Variants in SYNPO2 observed in about 807,000 individuals in gnomAD.
SYNPO2 encodes the protein synaptopodin-2.
Under a neutral mutation model 85.0 loss-of-function variants are expected in SYNPO2, and 56 were observed. That is an observed-to-expected ratio of 0.66 (90% confidence interval 0.53 to 0.82). SYNPO2 has a LOEUF of 0.82. Ranked by LOEUF, SYNPO2 falls within the 40% of genes least tolerant of loss-of-function variation. The pLI, the probability that SYNPO2 is intolerant of heterozygous loss-of-function variation, is 0.00. For missense variants in SYNPO2, 1,575 were observed against 1,534.2 expected (o/e 1.03, Z -0.44); for synonymous variants, 602 against 591.1 (o/e 1.02, Z -0.27).
chr4:119,012,664 T>C (rs1176101093), intron 1 of SYNPO2, among the ~76,000 whole-genome samples: 1 of 152,196 alleles, frequency 6.6e-6, no homozygotes, highest in Non-Finnish European at 1.5e-5. Flanking sequence ...TTTCCATTCC[T>C]CTATTAGTTT....
chr4:119,036,423 C>T, intron 4 of SYNPO2: 1 of 985,426 alleles, frequency 1.0e-6, no homozygotes, highest in Non-Finnish European at 1.2e-6. Flanking sequence ...ACAAAGATGC[C>T]TGTGACACTT....
At chr4:118,942,039 A>G (rs946512438) in intron 1 of SYNPO2, among the ~76,000 whole-genome samples, 2 of 152,146 alleles carry the variant, frequency 1.3e-5, no homozygotes, top group Admixed American at 6.5e-5. Flanking sequence ...AGATAAAGGA[A>G]GTGGTTAGGG....
chr4:119,017,395 G>A (rs569623871), intron 1 of SYNPO2, among the ~76,000 whole-genome samples: 1 of 152,170 alleles, frequency 6.6e-6, no homozygotes, highest in South Asian at 2.1e-4. Context: ...CTAAGGCTTT[G>A]GTTTAAGATC....
intron 2 of SYNPO2, among the ~76,000 whole-genome samples, chr4:119,025,471 T>C (rs1449153796): frequency 6.6e-6 from 1 of 152,216 alleles, no homozygotes; most frequent in Admixed American, 6.5e-5. Flanking sequence ...TAACTGTTAG[T>C]TTGTTTTCAT....
intron 1 of SYNPO2, among the ~76,000 whole-genome samples, chr4:118,877,964 C>T (rs1442328421): frequency 6.6e-6 from 1 of 152,108 alleles, no homozygotes; most frequent in African/African-American, 2.4e-5. Flanking sequence ...AATCTAAATG[C>T]CCGTCAACAT....
chr4:119,054,253 T>C (rs1237369709), intron 4 of SYNPO2, among the ~76,000 whole-genome samples: 2 of 152,214 alleles, frequency 1.3e-5, no homozygotes, highest in East Asian at 3.9e-4. Context: ...TACAGTGCTC[T>C]CTTAGTTCTG....
At chr4:119,037,493 G>A in intron 4 of SYNPO2, 1 of 1,017,552 alleles carries the variant, frequency 9.8e-7, no homozygotes, top group Admixed American at 5.7e-5. Flanking sequence ...CACGGTAGAA[G>A]TCAGAGAATC....
At position 119,031,623 on chromosome 4, in the gene SYNPO2, A is replaced by G. The variant is rs778172110; in HGVS notation, c.2848A>G (p.Met950Val). Residue 950 changes from methionine to valine, a missense_variant, in exon 4 of 5, where the codon ATG becomes GTG. Coordinates refer to ENST00000307142, the MANE Select transcript of SYNPO2 (RefSeq NM_133477.3). ...SQPSAAQPSK[M>V]GKKKGKKPLN... is the part of the protein sequence containing the mutation. Reference sequence around the variant, plus strand: ...GCCATCAGCTGCACAGCCCTCCAAAATGGGCAAGAAAAAGGGAAAGAAACC... The same window carrying G: ...GCCATCAGCTGCACAGCCCTCCAAAGTGGGCAAGAAAAAGGGAAAGAAACC... 3 of 1,614,062 alleles carry G rather than the reference A, an allele frequency of 1.9e-6. No homozygotes were observed. Among genetic ancestry groups the G allele is most frequent in the Non-Finnish European group, 2.5e-6 (3 of 1,180,002 alleles).
At chr4:118,883,343 A>T (rs1354245688) in intron 1 of SYNPO2, among the ~76,000 whole-genome samples, 1 of 152,200 alleles carries the variant, frequency 6.6e-6, no homozygotes, top group African/African-American at 2.4e-5. Flanking sequence ...GAAAGTAATG[A>T]TGTTTTTTGA....
intron 1 of SYNPO2, among the ~76,000 whole-genome samples, chr4:118,989,018 G>A (rs760848683): frequency 5.3e-5 from 8 of 152,128 alleles, no homozygotes; most frequent in African/African-American, 1.9e-4. Context: ...AGAACAAGGT[G>A]GTCACACATA....
intron 1 of SYNPO2, among the ~76,000 whole-genome samples, chr4:119,012,511 A>G (rs1189416631): frequency 6.6e-6 from 1 of 151,398 alleles, no homozygotes; most frequent in East Asian, 1.9e-4. Context: ...TAAGCCCTGC[A>G]TGGATTAGGT....
intron 1 of SYNPO2, among the ~76,000 whole-genome samples, chr4:118,978,891 A>G (rs1735896220): frequency 6.6e-6 from 1 of 151,984 alleles, no homozygotes; most frequent in African/African-American, 2.4e-5. Flanking sequence ...CCCTTGTCCA[A>G]CTTATTGTTT....
At chr4:118,881,301 C>CA (rs765003546) in intron 1 of SYNPO2, among the ~76,000 whole-genome samples, 47,969 of 113,740 alleles carry the variant, frequency 0.42, 9,086 homozygotes, top group Admixed American at 0.51. Flanking sequence ...AACTCCGTCT[C>CA]AAAAAAAAAA....
chr4:118,896,317 G>A (rs905070201), intron 1 of SYNPO2, among the ~76,000 whole-genome samples: 1 of 152,126 alleles, frequency 6.6e-6, no homozygotes, highest in Non-Finnish European at 1.5e-5. Context: ...ATGTGCAATG[G>A]GAGAAAGACT....
chr4:118,940,434 A>T (rs148575918), intron 1 of SYNPO2, among the ~76,000 whole-genome samples: 2 of 152,278 alleles, frequency 1.3e-5, no homozygotes, highest in East Asian at 3.9e-4. Flanking sequence ...ATAAGAGTAA[A>T]CTGTTTTCAG....
intron 1 of SYNPO2, among the ~76,000 whole-genome samples, chr4:118,890,697 T>TTCTCTCTCTCTCTCTCTCTCTCTCCC (rs1732335742): frequency 2.4e-5 from 2 of 81,846 alleles, no homozygotes; most frequent in African/African-American, 4.1e-5. Flanking sequence ...TCTCATCGGT[T>TTCTCTCTCTCTCTCTCTCTCTCTCCC]TCTCTCTCTC....
Position 119,057,472 on chromosome 4 carries a change from C to A in SYNPO2, c.3324C>A (p.Tyr1108Ter). 9 of 1,613,942 alleles carry A rather than the reference C, an allele frequency of 5.6e-6. No homozygotes were observed. Among genetic ancestry groups the A allele is most frequent in the Non-Finnish European group, 7.6e-6 (9 of 1,179,976 alleles). The change falls in exon 5 of 5, where the codon TAC (tyrosine) becomes TAA (stop). Residue 1108 changes from tyrosine to a stop codon, truncating the protein, a stop_gained. Transcript: ENST00000307142. LOFTEE classifies it low-confidence loss of function (END_TRUNC). ...CCATTTCTACATCTCCTTGGGTATACCAGCCTACTTATAGTTACTCTAGTA... is the reference window on the plus strand; with the variant it reads ...CCATTTCTACATCTCCTTGGGTATAACAGCCTACTTATAGTTACTCTAGTA... Reference protein sequence around the residue: ...PPPISTSPWVYQPTYSYSSKP... With the variant: ...PPPISTSPWV
chr4:119,032,929 T>TTGA, intron 4 of SYNPO2: 3 of 905,306 alleles, frequency 3.3e-6, no homozygotes, highest in Non-Finnish European at 4.0e-6. Flanking sequence ...AAAGGTTGAT[T>TTGA]CCCACCCTCC....
chr4:118,975,968 T>C (rs12503468), intron 1 of SYNPO2, among the ~76,000 whole-genome samples: 2,655 of 152,310 alleles, frequency 0.017, 143 homozygotes, highest in Admixed American at 0.11. Context: ...TGCAAAAATA[T>C]AAAAGTGCCG....
Sources: gnomAD v4.1 joint callset for allele counts (sites outside exome capture counted in the v4.1 genomes callset) on GRCh38, gnomAD v4.1.1 for gene constraint, MANE v1.5 for transcripts, NCBI Gene and HGNC (gene_info 2026-07-23, HGNC 2026-07-21) for gene names.